The following KIRREL3 variants were observed in gnomAD, a reference collection of about 807,000 sequenced individuals.
KIRREL3 encodes the protein kirre like nephrin family adhesion molecule 3.
KIRREL3 carries 36 observed loss-of-function variants against 89.7 expected under a neutral mutation model. That is an observed-to-expected ratio of 0.40 (90% CI 0.31 to 0.53). The LOEUF (loss-of-function observed/expected upper bound fraction) is 0.53. Among genes scored for constraint, KIRREL3 ranks in the 20% least tolerant of loss-of-function variants. KIRREL3 has a pLI of 0.49. For missense variants in KIRREL3, 864 were observed against 1,056.6 expected, an observed-to-expected ratio of 0.82 and a Z score of 2.53; for synonymous variants, 445 against 441.4, an observed-to-expected ratio of 1.01 and a Z score of -0.10.
At position 126,653,816 on chromosome 11, in the gene KIRREL3, T is replaced by A. The variant is rs977237984; in HGVS notation, c.56-90904A>T. 6.6e-6 allele frequency among the ~76,000 whole-genome samples: 1 copy of A among 152,210 alleles called. No individual in the cohort carries two copies. The highest frequency in any genetic ancestry group is 2.4e-5 in the African/African-American group (1 of 41,454). On this transcript the variant is annotated intron_variant, in intron 1 of 16. Transcript: ENST00000525144. The surrounding 1 kb of genome is among the most constrained non-coding windows in gnomAD (Gnocchi z 5.4). ...AAGGGCAGGGATGCCCCTGGCACTT[T>A]TTTTGTCTCTGGTGCTATCAAACAG...
At position 126,720,318 on chromosome 11, in the gene KIRREL3, G is replaced by A. The variant is rs576483708; in HGVS notation, c.56-157406C>T. 2.6e-5 allele frequency among the ~76,000 whole-genome samples: 4 copies of A among 152,292 alleles called. No homozygotes were observed. The East Asian group carries it at 7.7e-4, about 29-fold the overall frequency. The stretch of plus-strand genomic sequence containing the variant: ...TGGTGAGACTCTGCAGTCCTTGCCT[G>A]TCCCACCAGCCCTCACGGCAGTGTT... On this transcript the variant is annotated intron_variant, in intron 1 of 16. Coordinates refer to ENST00000525144, the MANE Select transcript of KIRREL3 (RefSeq NM_032531.4).
At position 126,715,513 on chromosome 11, in the gene KIRREL3, C is replaced by T. The variant is rs1194879352; in HGVS notation, c.56-152601G>A. Among the ~76,000 whole-genome samples, 1 of 152,090 alleles carries T rather than the reference C, an allele frequency of 6.6e-6. No individual in the cohort carries two copies. Among genetic ancestry groups the T allele is most frequent in the Non-Finnish European group, 1.5e-5 (1 of 68,030 alleles). ...AAAGAAATGATCAGGGCAAATGGCTCCAAATGAAGATGAAAAAGCTTTTAC... is the reference window on the plus strand; with the variant it reads ...AAAGAAATGATCAGGGCAAATGGCTTCAAATGAAGATGAAAAAGCTTTTAC... On this transcript the variant is annotated intron_variant, in intron 1 of 16. Coordinates refer to ENST00000525144, the MANE Select transcript of KIRREL3 (RefSeq NM_032531.4). The surrounding 1 kb of genome is among the most constrained non-coding windows in gnomAD (Gnocchi z 4.4).
At chr11:126,586,450 A>G (rs931686270) in intron 1 of KIRREL3, among the ~76,000 whole-genome samples, 2 of 151,974 alleles carry the variant, frequency 1.3e-5, no homozygotes, top group African/African-American at 2.4e-5. Context: ...CTCTACTCAC[A>G]GGAGCACTGC....
At chr11:126,855,245 T>A (rs1420125772) in intron 1 of KIRREL3, among the ~76,000 whole-genome samples, 1 of 152,172 alleles carries the variant, frequency 6.6e-6, no homozygotes. Context: ...GGTGATTGGA[T>A]CATGTGGGCA....
At chr11:126,923,178 CTTCTTCTTCT>C (rs1335324112) in intron 1 of KIRREL3, among the ~76,000 whole-genome samples, 243 of 21,410 alleles carry the variant, frequency 0.011, 45 homozygotes, top group South Asian at 0.026. Flanking sequence ...TTCTTCTTCT[CTTCTTCTTCT>C]CTTCTTCTTC....
At position 126,651,899 on chromosome 11, in the gene KIRREL3, C is replaced by T. The variant is rs181590486; in HGVS notation, c.56-88987G>A. Among the ~76,000 whole-genome samples the T allele has an allele frequency of 9.1e-4, 138 of 152,328 alleles. No homozygotes were observed. Among genetic ancestry groups the T allele is most frequent in the Admixed American group, 1.4e-3 (22 of 15,302 alleles). ...ATTTTCCCATTTGGGGTGGTAATAACAGGTCTAATCATGACACCTCCATAA... is the reference window on the plus strand; with the variant it reads ...ATTTTCCCATTTGGGGTGGTAATAATAGGTCTAATCATGACACCTCCATAA... On this transcript the variant is annotated intron_variant, in intron 1 of 16. Transcript: ENST00000525144. This position sits in a 1 kb window ranked among gnomAD's most constrained non-coding sequence, Gnocchi z 4.6.
intron 1 of KIRREL3, among the ~76,000 whole-genome samples, chr11:126,731,412 C>T (rs147618027): frequency 2.6e-5 from 4 of 152,218 alleles, no homozygotes; most frequent in African/African-American, 4.8e-5. Flanking sequence ...AGACTCAGCC[C>T]GAATACCATT....
Position 126,491,317 on chromosome 11 carries a change from G to A in KIRREL3, c.434-17851C>T, listed in dbSNP as rs80282809. On this transcript the variant is annotated intron_variant, in intron 4 of 16. Coordinates refer to ENST00000525144, the MANE Select transcript of KIRREL3 (RefSeq NM_032531.4). This position sits in a 1 kb window ranked among gnomAD's most constrained non-coding sequence, Gnocchi z 5.5. ...AATGTAATGTGAGCCCAAGGAGGGC[G>A]GGCGCGTGCTGGCTCTGAGCGGGTG... 0.012 allele frequency among the ~76,000 whole-genome samples: 1,787 copies of A among 152,334 alleles called. 25 individuals carry two copies. Among genetic ancestry groups the A allele is most frequent in the African/African-American group, 0.037 (1,536 of 41,562 alleles).
chr11:126,827,217 G>A (rs557620795), intron 1 of KIRREL3, among the ~76,000 whole-genome samples: 6 of 150,660 alleles, frequency 4.0e-5, no homozygotes, highest in African/African-American at 1.2e-4. Context: ...TCGCTCTGTT[G>A]CCCAGGCTGG....
At chr11:126,583,601 A>C (rs1216659882) in intron 1 of KIRREL3, among the ~76,000 whole-genome samples, 2 of 152,212 alleles carry the variant, frequency 1.3e-5, no homozygotes, top group Non-Finnish European at 2.9e-5. Flanking sequence ...CAGCGTTGTC[A>C]CTTATTAATT....
At chr11:126,933,074 T>C (rs1016892596) in intron 1 of KIRREL3, among the ~76,000 whole-genome samples, 1 of 152,130 alleles carries the variant, frequency 6.6e-6, no homozygotes, top group African/African-American at 2.4e-5. Context: ...TCCATCTGCA[T>C]TTGGAAGGGG....
chr11:126,923,116 C>CCTT (rs144733286), intron 1 of KIRREL3, among the ~76,000 whole-genome samples: 2,053 of 61,948 alleles, frequency 0.033, 251 homozygotes, highest in African/African-American at 0.13. Flanking sequence ...TTCTCCTTCT[C>CCTT]CTTCTCCTTC....
chr11:126,658,375 G>A (rs1256624555), intron 1 of KIRREL3, among the ~76,000 whole-genome samples: 10 of 152,290 alleles, frequency 6.6e-5, no homozygotes, highest in Non-Finnish European at 7.3e-5. Flanking sequence ...CACAGATGCA[G>A]TGACTAAAAA....
intron 1 of KIRREL3, among the ~76,000 whole-genome samples, chr11:126,833,922 A>T (rs1943693979): frequency 6.6e-6 from 1 of 152,178 alleles, no homozygotes; most frequent in African/African-American, 2.4e-5. Flanking sequence ...ATTCCCTTGC[A>T]AGTCTACGTT....
chr11:126,821,708 T>C (rs1485894190), intron 1 of KIRREL3, among the ~76,000 whole-genome samples: 1 of 152,044 alleles, frequency 6.6e-6, no homozygotes, highest in African/African-American at 2.4e-5. Flanking sequence ...TCCTGGGCCA[T>C]CTCGGTGGCC....
In KIRREL3 at chr11:126,970,757, C is replaced by G. The variant is rs1193215982; in HGVS notation, c.55+29698G>C. ...AATTTTGTGAATTAGTGAAGGAACT[C>G]CATTTAATTTAGAACATTGCTTCCA... On this transcript the variant is annotated intron_variant, in intron 1 of 16. Transcript: ENST00000525144. The surrounding 1 kb of genome is among the most constrained non-coding windows in gnomAD (Gnocchi z 4.4). 6.6e-6 allele frequency among the ~76,000 whole-genome samples: 1 copy of G among 152,156 alleles called. No individual in the cohort carries two copies. Among genetic ancestry groups the G allele is most frequent in the Non-Finnish European group, 1.5e-5 (1 of 68,032 alleles).
intron 1 of KIRREL3, among the ~76,000 whole-genome samples, chr11:126,759,379 T>A (rs749788432): frequency 6.6e-6 from 1 of 152,188 alleles, no homozygotes; most frequent in Non-Finnish European, 1.5e-5. Context: ...CTGCCTGCCT[T>A]AGCCTCCCAA....
At chr11:126,959,057 C>T (rs1045095668) in intron 1 of KIRREL3, among the ~76,000 whole-genome samples, 1 of 152,080 alleles carries the variant, frequency 6.6e-6, no homozygotes, top group African/African-American at 2.4e-5. Flanking sequence ...TCTCTCTCTC[C>T]CCTGAATAAG....
In KIRREL3 at chr11:126,642,786, C is replaced by T. The variant is rs1944519796; in HGVS notation, c.56-79874G>A. 6.6e-6 allele frequency among the ~76,000 whole-genome samples: 1 copy of T among 152,140 alleles called. No homozygotes were observed. Among genetic ancestry groups the T allele is most frequent in the Non-Finnish European group, 1.5e-5 (1 of 68,020 alleles). Reference sequence around the variant, plus strand: ...GATGGATGAAAGAATGTCTTTATGTCCCTTCAAGGGTTATGATTTTGTATG... The same window carrying T: ...GATGGATGAAAGAATGTCTTTATGTTCCTTCAAGGGTTATGATTTTGTATG... On this transcript the variant is annotated intron_variant, in intron 1 of 16. Coordinates refer to ENST00000525144, the MANE Select transcript of KIRREL3 (RefSeq NM_032531.4). This position sits in a 1 kb window ranked among gnomAD's most constrained non-coding sequence, Gnocchi z 4.9.
Sources: allele counts gnomAD v4.1 joint callset (sites outside exome capture counted in the v4.1 genomes callset), GRCh38; gene constraint gnomAD v4.1.1; non-coding constraint Gnocchi (gnomAD v3.1); transcripts MANE v1.5; gene names NCBI Gene and HGNC (gene_info 2026-07-23, HGNC 2026-07-21).